DPYD: variants seen among roughly 807,000 people sequenced by gnomAD.
DPYD encodes dihydropyrimidine dehydrogenase.
In DPYD, 109 loss-of-function variants were observed where a neutral mutation model predicts 116.2. The observed-to-expected ratio is 0.94, with a 90% CI of 0.80 to 1.10. The LOEUF (loss-of-function observed/expected upper bound fraction) is 1.10, where lower values mean the gene tolerates loss of function less well. Among genes scored for constraint, DPYD ranks in the 50% least tolerant of loss-of-function variants. The pLI is 0.00. For missense variants in DPYD, 1,302 were observed against 1,254.5 expected (o/e 1.04, Z -0.57); for synonymous variants, 440 against 432.0 (o/e 1.02, Z -0.23).
intron 14 of DPYD, among the ~76,000 whole-genome samples, chr1:97,400,267 G>A (rs1258807990): frequency 6.6e-6 from 1 of 152,186 alleles, no homozygotes; most frequent in African/African-American, 2.4e-5. Flanking sequence ...ATTTGCGTAT[G>A]TTGAACCAGC....
At chr1:97,300,388 A>T (rs1243113175) in intron 18 of DPYD, among the ~76,000 whole-genome samples, 1 of 152,178 alleles carries the variant, frequency 6.6e-6, no homozygotes, top group Non-Finnish European at 1.5e-5. Flanking sequence ...GATGACAGAT[A>T]ATAGGCATGT....
At chr1:97,656,626 T>A (rs866283706) in intron 8 of DPYD, among the ~76,000 whole-genome samples, 5 of 152,264 alleles carry the variant, frequency 3.3e-5, no homozygotes, top group Middle Eastern at 6.8e-3. Flanking sequence ...CTATTCTTTT[T>A]TTCCTTCTGG....
intron 8 of DPYD, among the ~76,000 whole-genome samples, chr1:97,652,574 G>A (rs1047862919): frequency 1.3e-5 from 2 of 152,112 alleles, no homozygotes; most frequent in African/African-American, 4.8e-5. Context: ...GAAGAATTCA[G>A]AGTAAATAAG....
At chr1:97,452,074 T>A (rs1676445365) in intron 13 of DPYD, among the ~76,000 whole-genome samples, 1 of 152,152 alleles carries the variant, frequency 6.6e-6, no homozygotes, top group African/African-American at 2.4e-5. Flanking sequence ...AAACAGGTGC[T>A]TCCTGCTTAT....
At chr1:97,820,182 T>A (rs1285164236) in intron 3 of DPYD, among the ~76,000 whole-genome samples, 1 of 152,076 alleles carries the variant, frequency 6.6e-6, no homozygotes, top group Non-Finnish European at 1.5e-5. Flanking sequence ...ACAGCTAAAA[T>A]AATACCTAGG....
At chr1:97,533,968 C>A (rs1649821238) in intron 12 of DPYD, among the ~76,000 whole-genome samples, 1 of 152,154 alleles carries the variant, frequency 6.6e-6, no homozygotes, top group South Asian at 2.1e-4. Context: ...CCATCAAACA[C>A]CAGATCTTTT....
At chr1:97,756,607 C>T (rs1366169045) in intron 3 of DPYD, among the ~76,000 whole-genome samples, 1 of 152,060 alleles carries the variant, frequency 6.6e-6, no homozygotes, top group African/African-American at 2.4e-5. Context: ...TTCTCACCTG[C>T]TCCCTACTTG....
At chr1:97,170,101 G>T (rs538636344) in intron 20 of DPYD, among the ~76,000 whole-genome samples, 3 of 152,224 alleles carry the variant, frequency 2.0e-5, no homozygotes, top group African/African-American at 4.8e-5. Context: ...CATCACAAAG[G>T]CAGGGGAAAT....
intron 20 of DPYD, among the ~76,000 whole-genome samples, chr1:97,164,566 C>A (rs828058): frequency 0.72 from 109,779 of 152,112 alleles, 41,283 homozygotes; most frequent in East Asian, 0.99. Context: ...GCTGATAAAC[C>A]TCTTCTGCAA....
At chr1:97,367,446 C>T (rs775728337) in intron 16 of DPYD, among the ~76,000 whole-genome samples, 2 of 151,974 alleles carry the variant, frequency 1.3e-5, no homozygotes, top group Non-Finnish European at 2.9e-5. Context: ...TTAGCTAAAT[C>T]GTCATGAAAG....
chr1:97,220,860 C>A (rs948749198), intron 19 of DPYD, among the ~76,000 whole-genome samples: 2 of 152,104 alleles, frequency 1.3e-5, no homozygotes, highest in African/African-American at 4.8e-5. Flanking sequence ...TTAGATCAAT[C>A]ACACATGCAT....
At chr1:97,484,529 T>A (rs1010715567) in intron 13 of DPYD, among the ~76,000 whole-genome samples, 2 of 152,180 alleles carry the variant, frequency 1.3e-5, no homozygotes, top group Admixed American at 1.3e-4. Flanking sequence ...GTGGCCACCA[T>A]GTTCTTCATT....
intron 18 of DPYD, among the ~76,000 whole-genome samples, chr1:97,300,153 T>C (rs1280958601): frequency 1.3e-5 from 2 of 152,140 alleles, no homozygotes; most frequent in Admixed American, 6.6e-5. Flanking sequence ...TGTTTTTACA[T>C]AGGTGAATAA....
intron 4 of DPYD, 39 bp downstream of exon 4, chr1:97,740,353 T>C (rs990346070): frequency 1.3e-6 from 2 of 1,513,488 alleles, no homozygotes; most frequent in African/African-American, 1.4e-5. Context: ...CAAGATCAAA[T>C]ACTGTTATTT....
chr1:97,100,708 TTTAG>T (rs1355672913), intron 20 of DPYD, among the ~76,000 whole-genome samples: 1 of 152,102 alleles, frequency 6.6e-6, no homozygotes, highest in African/African-American at 2.4e-5. Flanking sequence ...TATTTTTTCA[TTTAG>T]ATTATTATTT....
chr1:97,752,650 C>T (rs1285539993), intron 3 of DPYD, among the ~76,000 whole-genome samples: 1 of 152,106 alleles, frequency 6.6e-6, no homozygotes, highest in Non-Finnish European at 1.5e-5. Context: ...ATTCCACATG[C>T]TCTTCCCTTT....
intron 3 of DPYD, among the ~76,000 whole-genome samples, chr1:97,766,778 A>G (rs1439096993): frequency 6.6e-6 from 1 of 152,216 alleles, no homozygotes; most frequent in East Asian, 1.9e-4. Context: ...CTTAAAGAAA[A>G]CACACAAAGT....
At chr1:97,596,582 G>T (rs1235779777) in intron 8 of DPYD, among the ~76,000 whole-genome samples, 1 of 152,108 alleles carries the variant, frequency 6.6e-6, no homozygotes, top group Non-Finnish European at 1.5e-5. Context: ...TCTACCAATG[G>T]GTCATTCTAG....
chr1:97,106,005 A>G (rs956645565), intron 20 of DPYD, among the ~76,000 whole-genome samples: 2 of 152,070 alleles, frequency 1.3e-5, no homozygotes, highest in African/African-American at 2.4e-5. Context: ...TAGGGCTCTG[A>G]ATTCTGGGCA....
Sources: allele counts gnomAD v4.1 joint callset (sites outside exome capture counted in the v4.1 genomes callset), GRCh38; gene constraint gnomAD v4.1.1; transcripts MANE v1.5; gene names NCBI Gene and HGNC (gene_info 2026-07-23, HGNC 2026-07-21).